Variants in SUCLG2 observed in about 807,000 individuals in gnomAD.
SUCLG2 encodes the protein succinate--CoA ligase [GDP-forming] subunit beta, mitochondrial.
A neutral mutation model predicts 47.9 loss-of-function variants in SUCLG2; 42 were observed. That is an observed-to-expected ratio of 0.88 (90% CI 0.69 to 1.14). SUCLG2 has a LOEUF of 1.14. Ranked by LOEUF, SUCLG2 falls within the 50% of genes most tolerant of loss-of-function variation. The probability of loss-of-function intolerance (pLI) is 0.00; values close to 1 mark genes in which losing one functional copy is unlikely to be tolerated. For missense variants in SUCLG2, 571 were observed against 525.9 expected (o/e 1.09, Z -0.84); for synonymous variants, 195 against 197.3 (o/e 0.99, Z 0.10).
At chr3:67,488,382 G>C (rs1302228021) in intron 9 of SUCLG2, among the ~76,000 whole-genome samples, 1 of 151,906 alleles carries the variant, frequency 6.6e-6, no homozygotes, top group Non-Finnish European at 1.5e-5. Flanking sequence ...ATGGAAAGAG[G>C]AAAAAAAGGA....
At chr3:67,556,375 T>A (rs1707162136) in intron 2 of SUCLG2, among the ~76,000 whole-genome samples, 1 of 152,214 alleles carries the variant, frequency 6.6e-6, no homozygotes, top group Non-Finnish European at 1.5e-5. Context: ...CCACAATGTT[T>A]AGCAGAAATG....
intron 2 of SUCLG2, among the ~76,000 whole-genome samples, chr3:67,593,323 T>C (rs1054053033): frequency 3.5e-5 from 5 of 143,834 alleles, no homozygotes; most frequent in Admixed American, 2.8e-4. Flanking sequence ...GTCTAACACA[T>C]CCCCAATGCC....
At chr3:67,557,868 C>G (rs1334795469) in intron 2 of SUCLG2, among the ~76,000 whole-genome samples, 1 of 152,176 alleles carries the variant, frequency 6.6e-6, no homozygotes, top group East Asian at 1.9e-4. Flanking sequence ...GTCACTGATT[C>G]TACCAAGAGT....
intron 2 of SUCLG2, among the ~76,000 whole-genome samples, chr3:67,589,621 C>T (rs574706035): frequency 1.3e-5 from 2 of 152,342 alleles, no homozygotes; most frequent in East Asian, 1.9e-4. Flanking sequence ...CAGAAGTCTA[C>T]CGAAATGGCC....
chr3:67,408,677 T>C (rs1702869433), intron 9 of SUCLG2: 1 of 1,142,240 alleles, frequency 8.8e-7, no homozygotes, highest in Non-Finnish European at 1.1e-6. Flanking sequence ...TTCACTTTAC[T>C]TATATTCTAT....
At chr3:67,625,673 G>C (rs944488438) in intron 1 of SUCLG2, among the ~76,000 whole-genome samples, 1 of 152,164 alleles carries the variant, frequency 6.6e-6, no homozygotes, top group Admixed American at 6.5e-5. Context: ...CAGGGCAGAA[G>C]AAACACCCCA....
chr3:67,565,773 C>T (rs139152901), intron 2 of SUCLG2, among the ~76,000 whole-genome samples: 10 of 152,314 alleles, frequency 6.6e-5, no homozygotes, highest in East Asian at 5.8e-4. Flanking sequence ...CTCTCACTAG[C>T]GCCTAGCACC....
Position 67,498,233 on chromosome 3 carries a change from A to G in SUCLG2, c.820T>C (p.Phe274Leu), listed in dbSNP as rs1246101433. ...DNAEFRQKDI[F>L]AMDDKSENEP... ...TTCTCTGATTTGTCGTCCATAGCAA[A>G]TATGTCTTTTTGTCGGAATTCTGCG... Residue 274 changes from phenylalanine to leucine, a missense_variant, in exon 8 of 11, where the codon TTT (phenylalanine) becomes CTT (leucine). By Grantham distance (22) the Phe-to-Leu change is conservative. Transcript: ENST00000307227. 1 of 1,613,914 alleles carries G rather than the reference A, an allele frequency of 6.2e-7. No homozygotes were observed. Among genetic ancestry groups the G allele is most frequent in the South Asian group, 1.1e-5 (1 of 91,062 alleles).
chr3:67,586,549 G>A (rs1307345127), intron 2 of SUCLG2, among the ~76,000 whole-genome samples: 1 of 152,174 alleles, frequency 6.6e-6, no homozygotes, highest in Non-Finnish European at 1.5e-5. Flanking sequence ...TTGGTCTGAT[G>A]TTCATGATCC....
intron 4 of SUCLG2, among the ~76,000 whole-genome samples, chr3:67,527,504 A>C (rs967701845): frequency 6.6e-6 from 1 of 152,194 alleles, no homozygotes; most frequent in Non-Finnish European, 1.5e-5. Flanking sequence ...GTAGATTGGC[A>C]GGAGGGAGAG....
chr3:67,610,179 T>G (rs568697988), intron 1 of SUCLG2, among the ~76,000 whole-genome samples: 1 of 152,336 alleles, frequency 6.6e-6, no homozygotes, highest in Admixed American at 6.5e-5. Context: ...CACAGACTAA[T>G]TCATTTCTTT....
At chr3:67,572,118 C>T (rs1707629413) in intron 2 of SUCLG2, among the ~76,000 whole-genome samples, 1 of 152,222 alleles carries the variant, frequency 6.6e-6, no homozygotes, top group Non-Finnish European at 1.5e-5. Flanking sequence ...AATTGCCCCA[C>T]ATCAGACATT....
In SUCLG2 at chr3:67,541,548, C is replaced by T. The variant is rs1706712571; in HGVS notation, c.227-12362G>A. 2.6e-5 allele frequency among the ~76,000 whole-genome samples: 4 copies of T among 152,194 alleles called. No individual in the cohort carries two copies. The South Asian group carries it at 8.3e-4, about 31-fold the overall frequency. On this transcript the variant is annotated intron_variant, in intron 2 of 10. Coordinates refer to ENST00000307227, the MANE Select transcript of SUCLG2 (RefSeq NM_003848.4). ...ACCAAACCTACGTTTGATTGGTGTA[C>T]CTGAAACTGACAGGGAGAATGGAAC...
chr3:67,395,974 G>A (rs975948537), intron 10 of SUCLG2, among the ~76,000 whole-genome samples: 3 of 152,016 alleles, frequency 2.0e-5, no homozygotes, highest in African/African-American at 4.8e-5. Flanking sequence ...TGAAACCAAC[G>A]AGAACAAAGA....
At chr3:67,584,296 A>T (rs1707955086) in intron 2 of SUCLG2, among the ~76,000 whole-genome samples, 1 of 152,220 alleles carries the variant, frequency 6.6e-6, no homozygotes. Flanking sequence ...AGCTCGACAC[A>T]AGAGACCACA....
Position 67,654,490 on chromosome 3 carries a change from C to T in SUCLG2, c.84+13G>A, listed in dbSNP as rs751876518. ...CCGCTGCTGGCGCCCGCAGCTCCTG[C>T]CCCCACGCTCACCTGGGACCCGGCC... On this transcript the variant is annotated intron_variant, in intron 1 of 10. Coordinates refer to ENST00000307227, the MANE Select transcript of SUCLG2 (RefSeq NM_003848.4). 2 of 1,234,840 alleles carry T rather than the reference C, an allele frequency of 1.6e-6. No homozygotes were observed. The highest frequency in any genetic ancestry group is 2.0e-6 in the Non-Finnish European group (2 of 988,524). 76.5% of individuals were successfully genotyped at this position (1,234,840 alleles called of 1,614,324 possible).
chr3:67,463,197 A>C (rs1044955102), intron 9 of SUCLG2, among the ~76,000 whole-genome samples: 1 of 152,234 alleles, frequency 6.6e-6, no homozygotes, highest in Non-Finnish European at 1.5e-5. Context: ...AGGTGGCTGA[A>C]TGTCATTGAA....
At chr3:67,459,990 A>C (rs1200836150) in intron 9 of SUCLG2, among the ~76,000 whole-genome samples, 1 of 152,206 alleles carries the variant, frequency 6.6e-6, no homozygotes, top group African/African-American at 2.4e-5. Flanking sequence ...CAGAGGTCCC[A>C]CATTACACTT....
intron 9 of SUCLG2, among the ~76,000 whole-genome samples, chr3:67,410,495 T>G (rs1432736964): frequency 1.3e-5 from 2 of 152,190 alleles, no homozygotes; most frequent in Non-Finnish European, 2.9e-5. Context: ...CAAGCACAGT[T>G]TCTATTTTTT....
Sources: gnomAD v4.1 joint callset for allele counts (sites outside exome capture counted in the v4.1 genomes callset) on GRCh38, gnomAD v4.1.1 for gene constraint, MANE v1.5 for transcripts, NCBI Gene and HGNC (gene_info 2026-07-23, HGNC 2026-07-21) for gene names.